The following KCNMB2 variants were observed in gnomAD, a reference collection of about 807,000 sequenced individuals.
KCNMB2 encodes the protein potassium calcium-activated channel subfamily M regulatory beta subunit 2.
In KCNMB2, 9 loss-of-function variants were observed where a neutral mutation model predicts 24.5. The observed-to-expected ratio is 0.37, with a 90% CI of 0.22 to 0.64. The LOEUF (loss-of-function observed/expected upper bound fraction) is 0.64, where lower values mean the gene tolerates loss of function less well. Ranked by LOEUF, KCNMB2 falls within the 30% of genes least tolerant of loss-of-function variation. The pLI, the probability that KCNMB2 is intolerant of heterozygous loss-of-function variation, is 0.63. For missense variants in KCNMB2, 226 were observed against 284.3 expected (o/e 0.79, Z 1.47); for synonymous variants, 109 against 104.4 (o/e 1.04, Z -0.27).
intron 1 of KCNMB2, among the ~76,000 whole-genome samples, chr3:178,764,418 A>G (rs1712034154): frequency 6.6e-6 from 1 of 152,228 alleles, no homozygotes. Context: ...GTTTAAATAT[A>G]CAAATACTTA....
rs571247650 is a variant in KCNMB2 at position 178,613,605 on chromosome 3, C to T, written c.-68+76894C>T. Among the ~76,000 whole-genome samples, 11 of 152,252 alleles carry T rather than the reference C, an allele frequency of 7.2e-5. No homozygotes were observed. In the East Asian group the frequency reaches 1.4e-3, roughly 19 times the overall value. ...ATGAAGGATATTTTCACCAGATACG[C>T]TACTCAAGGGTAAAGTTCAGCAGTT... On this transcript the variant is annotated intron_variant, in intron 1 of 4. Transcript: ENST00000452583.
rs1328769000 is a variant in KCNMB2, at chr3:178,754,165, T to TATAG, written c.-67-53175_-67-53174insGATA. Among the ~76,000 whole-genome samples the TATAG allele has an allele frequency of 1.2e-3, 107 of 89,514 alleles. 1 individual carries two copies. The highest frequency in any genetic ancestry group is 9.6e-3 in the East Asian group (40 of 4,186). 58.7% of individuals were successfully genotyped at this position (89,514 alleles called of 152,430 possible). A position where few individuals can be genotyped will look rare whatever the true frequency, so the allele number is the denominator to read the frequency against. On this transcript the variant is annotated intron_variant, in intron 1 of 4. Transcript: ENST00000452583. ...ATATTCCATTGTATATATATATATATATATATATATATACACACACACACA... is the reference window on the plus strand; with the variant it reads ...ATATTCCATTGTATATATATATATATATAGATATATATATATACACACACACACA...
intron 1 of KCNMB2, among the ~76,000 whole-genome samples, chr3:178,747,993 C>A (rs1188976172): frequency 6.6e-6 from 1 of 152,224 alleles, no homozygotes; most frequent in African/African-American, 2.4e-5. Flanking sequence ...GCCCATTCTG[C>A]AGATTCAGCA....
intron 1 of KCNMB2, among the ~76,000 whole-genome samples, chr3:178,758,330 A>G (rs1724283433): frequency 2.3e-5 from 1 of 43,762 alleles, no homozygotes; most frequent in South Asian, 9.9e-4. Flanking sequence ...ATATATATAT[A>G]TATCTCCAAG....
In KCNMB2 at chr3:178,757,068, A is replaced by G. The variant is rs1474184726; in HGVS notation, c.-67-50275A>G. 2.6e-5 allele frequency: 4 copies of G among 151,136 alleles called. No individual in the cohort carries two copies. In the East Asian group the frequency reaches 7.8e-4, roughly 29 times the overall value. The allele number at this position is 151,136 out of a possible 1,614,324, so 9.4% of individuals were successfully genotyped here. ...TTCAGAGCCTTTCCTCATTACACCC[A>G]TCCTTGCTTACCTCTCTTACATTTC... On this transcript the variant is annotated intron_variant, in intron 1 of 4. Coordinates refer to ENST00000452583, the MANE Select transcript of KCNMB2 (RefSeq NM_181361.3).
chr3:178,755,043 T>C (rs1723983766), intron 1 of KCNMB2, among the ~76,000 whole-genome samples: 2 of 152,196 alleles, frequency 1.3e-5, no homozygotes, highest in Admixed American at 6.5e-5. Flanking sequence ...CAGGCACACA[T>C]TAGGCTCCCC....
intron 1 of KCNMB2, among the ~76,000 whole-genome samples, chr3:178,628,943 T>C (rs1373303569): frequency 6.6e-6 from 1 of 152,194 alleles, no homozygotes; most frequent in African/African-American, 2.4e-5. Context: ...AAGACCTCTG[T>C]CTACTTAAAT....
intron 1 of KCNMB2, among the ~76,000 whole-genome samples, chr3:178,656,217 G>T (rs543066184): frequency 6.6e-6 from 1 of 152,232 alleles, no homozygotes; most frequent in Non-Finnish European, 1.5e-5. Context: ...TCACAGTCTA[G>T]TAAATGCAAA....
At chr3:178,771,409 G>A (rs1369437805) in intron 1 of KCNMB2, among the ~76,000 whole-genome samples, 2 of 151,316 alleles carry the variant, frequency 1.3e-5, no homozygotes, top group African/African-American at 4.9e-5. Context: ...GACAAGTCCT[G>A]GACATTGCCT....
At chr3:178,827,178 A>G (rs1481332228) in intron 3 of KCNMB2, among the ~76,000 whole-genome samples, 8 of 152,174 alleles carry the variant, frequency 5.3e-5, no homozygotes, top group African/African-American at 1.7e-4. Context: ...AAACCAAACC[A>G]TCAATTGCTG....
chr3:178,617,909 A>T (rs1055235109), intron 1 of KCNMB2, among the ~76,000 whole-genome samples: 5 of 151,746 alleles, frequency 3.3e-5, no homozygotes, highest in African/African-American at 1.2e-4. Flanking sequence ...AAAAAAAAAA[A>T]AACCCAACAC....
intron 1 of KCNMB2, among the ~76,000 whole-genome samples, chr3:178,694,669 T>A (rs1478962839): frequency 6.6e-6 from 1 of 152,250 alleles, no homozygotes; most frequent in Non-Finnish European, 1.5e-5. Context: ...ATTTTTAACC[T>A]TAAAGTTCCA....
At position 178,777,408 on chromosome 3, in the gene KCNMB2, C is replaced by T. The variant is rs531412820; in HGVS notation, c.-67-29935C>T. ...GAGATCACGCCACTGCACTCCAGCC[C>T]GGGTGACAGTGCAAGACTCCGTCTC... is the stretch of plus-strand genomic sequence containing the variant. On this transcript the variant is annotated intron_variant, in intron 1 of 4. Coordinates refer to ENST00000452583, the MANE Select transcript of KCNMB2 (RefSeq NM_181361.3). Among the ~76,000 whole-genome samples, 10 of 152,056 alleles carry T rather than the reference C, an allele frequency of 6.6e-5. No individual in the cohort carries two copies. The East Asian group carries it at 1.4e-3, about 21-fold the overall frequency.
intron 1 of KCNMB2, among the ~76,000 whole-genome samples, chr3:178,781,842 A>C (rs758907646): frequency 1.1e-4 from 17 of 150,156 alleles, no homozygotes; most frequent in Non-Finnish European, 1.2e-4. Context: ...CACATAGTGC[A>C]GGTTAGTTAC....
intron 1 of KCNMB2, among the ~76,000 whole-genome samples, chr3:178,565,640 T>C (rs1461789340): frequency 2.0e-5 from 3 of 152,196 alleles, no homozygotes; most frequent in African/African-American, 7.2e-5. Flanking sequence ...AACTATTCGA[T>C]TGAATTACCC....
At chr3:178,802,233 G>C (rs1713800710) in intron 1 of KCNMB2, among the ~76,000 whole-genome samples, 1 of 152,166 alleles carries the variant, frequency 6.6e-6, no homozygotes, top group African/African-American at 2.4e-5. Flanking sequence ...TGCTTAGAGT[G>C]ACCTTTTGAG....
chr3:178,758,141 T>TATATATATATGTACACACAAGAGG (rs1724249985), intron 1 of KCNMB2, among the ~76,000 whole-genome samples: 13 of 38,216 alleles, frequency 3.4e-4, no homozygotes, highest in African/African-American at 5.7e-4. Context: ...CACAAGAGGA[T>TATATATATATGTACACACAAGAGG]ATATATATAT....
At chr3:178,807,512 A>G in intron 2 of KCNMB2, 47 bp downstream of exon 2, 2 of 1,510,522 alleles carry the variant, frequency 1.3e-6, no homozygotes, top group South Asian at 1.1e-5. Context: ...ATTTAACCTG[A>G]CTCTCCAAAG....
At chr3:178,819,895 G>A (rs28751916) in intron 2 of KCNMB2, among the ~76,000 whole-genome samples, 60,666 of 151,794 alleles carry the variant, frequency 0.4, 12,671 homozygotes, top group Non-Finnish European at 0.44. Context: ...ATTCACAAAC[G>A]TATTCAAGAA....
Sources: allele counts gnomAD v4.1 joint callset (sites outside exome capture counted in the v4.1 genomes callset), GRCh38; gene constraint gnomAD v4.1.1; transcripts MANE v1.5; gene names NCBI Gene and HGNC (gene_info 2026-07-23, HGNC 2026-07-21).